ZNF239: variants seen among roughly 807,000 people sequenced by gnomAD.
ZNF239 encodes the protein zinc finger protein 239.
In ZNF239, 16 loss-of-function variants were observed where a neutral mutation model predicts 27.5. That is an observed-to-expected ratio of 0.58 (90% confidence interval 0.39 to 0.88). ZNF239 has a LOEUF of 0.88. Ranked by LOEUF, ZNF239 falls within the 40% of genes least tolerant of loss-of-function variation. The pLI is 0.00. For synonymous variants in ZNF239, 199 were observed against 192.6 expected, an observed-to-expected ratio of 1.03 and a Z score of -0.27; for missense variants, 527 against 551.9, an observed-to-expected ratio of 0.95 and a Z score of 0.45.
rs1667989683 is a variant in ZNF239, at chr10:43,564,354, A to G, written c.-93+3545T>C. 4.7e-6 allele frequency: 4 copies of G among 845,406 alleles called. No homozygotes were observed. In the South Asian group the frequency reaches 1.6e-4, roughly 34 times the overall value. The allele number at this position is 845,406 out of a possible 1,614,324, so 52.4% of individuals were successfully genotyped here. A position where few individuals can be genotyped will look rare whatever the true frequency, so the allele number is the denominator to read the frequency against. Reference sequence around the variant, plus strand: ...GGAGACTAGTGTACCTGCAACATCTAACTTGAGCTTGAAAAACGATGGCAA... The same window carrying G: ...GGAGACTAGTGTACCTGCAACATCTGACTTGAGCTTGAAAAACGATGGCAA... On this transcript the variant is annotated intron_variant, in intron 3 of 3. Coordinates refer to ENST00000374446, the MANE Select transcript of ZNF239 (RefSeq NM_001099282.2).
At chr10:43,560,512 C>T (rs1187339705) in intron 3 of ZNF239, among the ~76,000 whole-genome samples, 1 of 149,698 alleles carries the variant, frequency 6.7e-6, no homozygotes, top group Non-Finnish European at 1.5e-5. Flanking sequence ...GAGGCTCAGC[C>T]CTAGCCCTTA....
intron 2 of ZNF239, among the ~76,000 whole-genome samples, 167 bp downstream of exon 2, chr10:43,573,470 A>T (rs1838162574): frequency 6.6e-6 from 1 of 152,248 alleles, no homozygotes; most frequent in Non-Finnish European, 1.5e-5. Flanking sequence ...CTCTCTGTGC[A>T]GACCCTGGTG....
chr10:43,564,533 AT>A (rs1199412999), intron 3 of ZNF239, among the ~76,000 whole-genome samples: 1 of 151,912 alleles, frequency 6.6e-6, no homozygotes, highest in Admixed American at 6.6e-5. Context: ...GAAGAGAGAA[AT>A]TTTTTTTAAA....
At chr10:43,564,525 A>T (rs984531246) in intron 3 of ZNF239, among the ~76,000 whole-genome samples, 3 of 152,152 alleles carry the variant, frequency 2.0e-5, no homozygotes, top group Non-Finnish European at 4.4e-5. Context: ...GAGGACGAGA[A>T]GAGAGAAATT....
chr10:43,557,198 G>A lies in ZNF239; in HGVS notation c.882C>T (p.Asp294=). 6.2e-7 allele frequency: 1 copy of A among 1,613,794 alleles called. No individual in the cohort carries two copies. Among genetic ancestry groups the A allele is most frequent in the Non-Finnish European group, 8.5e-7 (1 of 1,179,952 alleles). ...VHTGEKPYKC[D]KCGKGFSQSS... is the part of the protein sequence containing the mutation. Reference sequence around the variant, plus strand: ...TCTGACTAAAGCCCTTCCCACACTTGTCACATTTATAAGGTTTTTCGCCTG... The same window carrying A: ...TCTGACTAAAGCCCTTCCCACACTTATCACATTTATAAGGTTTTTCGCCTG... Residue 294 remains aspartate, a synonymous_variant, in exon 4 of 4, where the codon GAC becomes GAT. Transcript: ENST00000374446.
intron 3 of ZNF239, among the ~76,000 whole-genome samples, chr10:43,565,140 G>A (rs1047044341): frequency 1.3e-5 from 2 of 152,170 alleles, no homozygotes; most frequent in Non-Finnish European, 2.9e-5. Flanking sequence ...CTGGAGTGCA[G>A]TGGCACGATC....
chr10:43,564,310 A>C, intron 3 of ZNF239: 1 of 982,842 alleles, frequency 1.0e-6, no homozygotes, highest in Non-Finnish European at 1.2e-6. Flanking sequence ...AAAGAATGAC[A>C]TCATAAATGA....
chr10:43,565,019 T>G (rs911268921), intron 3 of ZNF239, among the ~76,000 whole-genome samples: 1 of 152,318 alleles, frequency 6.6e-6, no homozygotes, highest in South Asian at 2.1e-4. Flanking sequence ...ATACCATGCA[T>G]TCTCAGGGGC....
chr10:43,559,204 T>C (rs2999279), intron 3 of ZNF239, among the ~76,000 whole-genome samples: 81,348 of 152,010 alleles, frequency 0.54, 22,054 homozygotes, highest in South Asian at 0.61. Flanking sequence ...AATAAGGACC[T>C]TGGGGCTAAA....
In ZNF239 at chr10:43,570,959, G is replaced by T. The variant is rs981463770; in HGVS notation, c.-216+2678C>A. On this transcript the variant is annotated intron_variant, in intron 2 of 3. Transcript: ENST00000374446. ...AGTAGACCAAATGAAAAGAATCATT[G>T]TGACAAGGGAAAGGAGAAAAGGAAA... 174 of 985,214 alleles carry T rather than the reference G, an allele frequency of 1.8e-4. 2 individuals carry two copies. In the African/African-American group the frequency reaches 2.9e-3, roughly 17 times the overall value. The allele number at this position is 985,214 out of a possible 1,614,324, so 61.0% of individuals were successfully genotyped here.
intron 2 of ZNF239, chr10:43,570,811 A>G (rs1459796010): frequency 1.8e-5 from 18 of 977,518 alleles, no homozygotes; most frequent in Non-Finnish European, 2.2e-5. Flanking sequence ...CCTAGGTTAG[A>G]CAACCAGAGT....
intron 1 of ZNF239, among the ~76,000 whole-genome samples, chr10:43,574,154 C>A (rs1339053255): frequency 6.6e-6 from 1 of 152,172 alleles, no homozygotes; most frequent in Non-Finnish European, 1.5e-5. Context: ...CCCCGTCCGT[C>A]GCCTAACGTC....
intron 3 of ZNF239, 58 bp from the exon 4 acceptor site, chr10:43,558,229 G>A: frequency 7.0e-7 from 1 of 1,422,140 alleles, no homozygotes; most frequent in African/African-American, 1.4e-5. Context: ...AGATTTCAGA[G>A]TGAGAGTGCC....
chr10:43,558,817 G>T lies in ZNF239; in HGVS notation c.-92-646C>A, dbSNP rs764949927. Among the ~76,000 whole-genome samples, 8 of 152,262 alleles carry T rather than the reference G, an allele frequency of 5.3e-5. No homozygotes were observed. The South Asian group carries it at 6.2e-4, about 12-fold the overall frequency. Reference sequence around the variant, plus strand: ...TCATAGGTGTGGGGAATACAAGGAAGAAAATATAAATCCTTTTGCTTAACA... The same window carrying T: ...TCATAGGTGTGGGGAATACAAGGAATAAAATATAAATCCTTTTGCTTAACA... On this transcript the variant is annotated intron_variant, in intron 3 of 3. Transcript: ENST00000374446.
chr10:43,570,380 G>C (rs1335262791), intron 2 of ZNF239: 1 of 985,202 alleles, frequency 1.0e-6, no homozygotes, highest in Non-Finnish European at 1.2e-6. Context: ...CTTTAGCAAG[G>C]CATGACCCAT....
At chr10:43,567,525 C>T (rs1208483007) in intron 3 of ZNF239, among the ~76,000 whole-genome samples, 1 of 152,162 alleles carries the variant, frequency 6.6e-6, no homozygotes, top group Non-Finnish European at 1.5e-5. Flanking sequence ...TACCAGATAA[C>T]TCCTGGAACG....
intron 3 of ZNF239, among the ~76,000 whole-genome samples, chr10:43,566,772 T>C (rs887378204): frequency 1.3e-5 from 2 of 152,246 alleles, no homozygotes; most frequent in African/African-American, 4.8e-5. Context: ...GTGATACATC[T>C]AGTGGGTAAA....
At chr10:43,558,635 G>A (rs1161231075) in intron 3 of ZNF239, among the ~76,000 whole-genome samples, 1 of 152,106 alleles carries the variant, frequency 6.6e-6, no homozygotes, top group African/African-American at 2.4e-5. Flanking sequence ...TTTTAGTAGA[G>A]GTGTGGTTTT....
intron 3 of ZNF239, among the ~76,000 whole-genome samples, chr10:43,563,509 A>G (rs1439722357): frequency 1.3e-5 from 2 of 152,206 alleles, no homozygotes; most frequent in Non-Finnish European, 1.5e-5. Context: ...TGTAATGTAC[A>G]TACATAAGTA....
Sources: allele counts gnomAD v4.1 joint callset (sites outside exome capture counted in the v4.1 genomes callset), GRCh38; gene constraint gnomAD v4.1.1; transcripts MANE v1.5; gene names NCBI Gene and HGNC (gene_info 2026-07-23, HGNC 2026-07-21).